The following KCTD8 variants were observed in gnomAD, a reference collection of about 807,000 sequenced individuals.
KCTD8 encodes the protein BTB/POZ domain-containing protein KCTD8.
A neutral mutation model predicts 31.5 loss-of-function variants in KCTD8; 27 were observed. The observed-to-expected ratio is 0.86, with a 90% CI of 0.63 to 1.18. The LOEUF (loss-of-function observed/expected upper bound fraction) is 1.18. Ranked by LOEUF, KCTD8 falls within the 50% of genes most tolerant of loss-of-function variation. The pLI, the probability that KCTD8 is intolerant of heterozygous loss-of-function variation, is 0.00. For missense variants in KCTD8, 658 were observed against 647.7 expected (o/e 1.02, Z -0.17); for synonymous variants, 290 against 280.0 (o/e 1.04, Z -0.36).
At chr4:44,242,476 G>A (rs113309086) in intron 1 of KCTD8, among the ~76,000 whole-genome samples, 1 of 152,192 alleles carries the variant, frequency 6.6e-6, no homozygotes, top group East Asian at 1.9e-4. Flanking sequence ...TACTTGGGAG[G>A]CTGAGGCAGG....
chr4:44,316,959 C>T (rs963041587), intron 1 of KCTD8, among the ~76,000 whole-genome samples: 17 of 150,848 alleles, frequency 1.1e-4, no homozygotes, highest in Middle Eastern at 3.5e-3. Flanking sequence ...GCCTGGGCAA[C>T]AGAGCGAGAC....
chr4:44,271,799 A>G (rs1283921949), intron 1 of KCTD8, among the ~76,000 whole-genome samples: 1 of 152,102 alleles, frequency 6.6e-6, no homozygotes, highest in Admixed American at 6.6e-5. Context: ...ATCTATAGAA[A>G]CAATGTTTAT....
intron 1 of KCTD8, among the ~76,000 whole-genome samples, chr4:44,249,458 A>G (rs1577574705): frequency 1.3e-5 from 2 of 151,756 alleles, no homozygotes; most frequent in African/African-American, 2.4e-5. Flanking sequence ...TTTTCCTGTA[A>G]AGAGTGAAAT....
chr4:44,251,136 A>G (rs1318525785), intron 1 of KCTD8, among the ~76,000 whole-genome samples: 5 of 151,702 alleles, frequency 3.3e-5, no homozygotes, highest in Admixed American at 3.3e-4. Context: ...AACACTTACT[A>G]GTCTTCCTAC....
At chr4:44,379,659 C>G (rs148213615) in intron 1 of KCTD8, among the ~76,000 whole-genome samples, 3 of 152,102 alleles carry the variant, frequency 2.0e-5, no homozygotes, top group Non-Finnish European at 1.5e-5. Flanking sequence ...TGTAAAATAA[C>G]TTCCATCAGA....
intron 1 of KCTD8, among the ~76,000 whole-genome samples, chr4:44,324,958 T>C (rs575474786): frequency 2.0e-5 from 3 of 152,092 alleles, no homozygotes; most frequent in Admixed American, 2.0e-4. Context: ...TCTTTACCAG[T>C]GATATAGCTG....
chr4:44,418,823 A>C (rs1721141574), intron 1 of KCTD8, among the ~76,000 whole-genome samples: 1 of 152,216 alleles, frequency 6.6e-6, no homozygotes, highest in African/African-American at 2.4e-5. Flanking sequence ...TAATGCATAC[A>C]AAGTGCTAAG....
chr4:44,235,559 A>T (rs867864877), intron 1 of KCTD8, among the ~76,000 whole-genome samples: 32 of 77,812 alleles, frequency 4.1e-4, no homozygotes, highest in African/African-American at 1.8e-3. Context: ...ATATATATAT[A>T]TATATATATA....
At chr4:44,243,846 T>A (rs757395505) in intron 1 of KCTD8, among the ~76,000 whole-genome samples, 2 of 152,212 alleles carry the variant, frequency 1.3e-5, no homozygotes, top group Non-Finnish European at 2.9e-5. Flanking sequence ...ATTACTTTGC[T>A]TCATCCTTCT....
chr4:44,270,146 G>A (rs948116226), intron 1 of KCTD8, among the ~76,000 whole-genome samples: 5 of 151,974 alleles, frequency 3.3e-5, no homozygotes, highest in African/African-American at 1.2e-4. Context: ...CAACCCAAAT[G>A]TCCAACAATG....
Position 44,431,219 on chromosome 4 carries a change from G to A in KCTD8, c.961+16344C>T, listed in dbSNP as rs548397884. On this transcript the variant is annotated intron_variant, in intron 1 of 1. Transcript: ENST00000360029. ...AGTTCACAGCAAAACTGAATAGAAA[G>A]TAGAGAAAGTTCTGATACACCCCCA... Among the ~76,000 whole-genome samples, 3 of 151,600 alleles carry A rather than the reference G, an allele frequency of 2.0e-5. No homozygotes were observed. The South Asian group carries it at 6.2e-4, about 31-fold the overall frequency.
chr4:44,195,625 T>G (rs1713916341), intron 1 of KCTD8, among the ~76,000 whole-genome samples: 1 of 152,340 alleles, frequency 6.6e-6, no homozygotes, highest in Admixed American at 6.5e-5. Context: ...TAGAAAAAAC[T>G]TTATAATTAA....
intron 1 of KCTD8, among the ~76,000 whole-genome samples, chr4:44,408,795 T>C (rs1720875313): frequency 6.6e-6 from 1 of 152,044 alleles, no homozygotes; most frequent in African/African-American, 2.4e-5. Context: ...ATTTTTTATA[T>C]TTTAGTAGAG....
chr4:44,297,012 AGC>A (rs977688052), intron 1 of KCTD8, among the ~76,000 whole-genome samples: 10 of 152,150 alleles, frequency 6.6e-5, no homozygotes, highest in African/African-American at 2.2e-4. Context: ...TATTTTAAAA[AGC>A]ATATTTAATG....
Position 44,369,369 on chromosome 4 carries a change from G to A in KCTD8, c.961+78194C>T, listed in dbSNP as rs556343575. Reference sequence around the variant, plus strand: ...CACTCCATTGTTCCAAACCAGCTACGAGTATGTTCAAAAGAAAAGACCCAT... The same window carrying A: ...CACTCCATTGTTCCAAACCAGCTACAAGTATGTTCAAAAGAAAAGACCCAT... On this transcript the variant is annotated intron_variant, in intron 1 of 1. Transcript: ENST00000360029. Among the ~76,000 whole-genome samples, 19 of 152,298 alleles carry A rather than the reference G, an allele frequency of 1.2e-4. No individual in the cohort carries two copies. In the East Asian group the frequency reaches 2.1e-3, roughly 17 times the overall value.
At chr4:44,314,975 TAAG>T (rs1718066092) in intron 1 of KCTD8, among the ~76,000 whole-genome samples, 2 of 151,668 alleles carry the variant, frequency 1.3e-5, no homozygotes, top group South Asian at 4.1e-4. Flanking sequence ...ATCTGGAGGT[TAAG>T]TTTTCAAATA....
At chr4:44,228,418 T>G (rs964278239) in intron 1 of KCTD8, among the ~76,000 whole-genome samples, 20 of 152,212 alleles carry the variant, frequency 1.3e-4, no homozygotes, top group Admixed American at 3.9e-4. Context: ...CAAAAGACAG[T>G]CATATTCTGA....
At chr4:44,377,399 C>T (rs549356463) in intron 1 of KCTD8, among the ~76,000 whole-genome samples, 11 of 152,294 alleles carry the variant, frequency 7.2e-5, no homozygotes, top group African/African-American at 2.6e-4. Context: ...AGAGTCTACT[C>T]ATGGAAGGAT....
At chr4:44,261,978 G>A (rs1716195725) in intron 1 of KCTD8, among the ~76,000 whole-genome samples, 1 of 151,906 alleles carries the variant, frequency 6.6e-6, no homozygotes, top group South Asian at 2.1e-4. Flanking sequence ...CCAAGCCCTG[G>A]GGCACTTCAA....
Sources: gnomAD v4.1 joint callset for allele counts (sites outside exome capture counted in the v4.1 genomes callset) on GRCh38, gnomAD v4.1.1 for gene constraint, MANE v1.5 for transcripts, NCBI Gene and HGNC (gene_info 2026-07-23, HGNC 2026-07-21) for gene names.